The following ZBTB46 variants were observed in gnomAD, a reference collection of about 807,000 sequenced individuals.
ZBTB46 encodes the protein zinc finger and BTB domain containing 46.
A neutral mutation model predicts 44.1 loss-of-function variants in ZBTB46; 8 were observed. That is an observed-to-expected ratio of 0.18 (90% CI 0.11 to 0.33). ZBTB46 has a LOEUF of 0.33. Among genes scored for constraint, ZBTB46 ranks in the 10% least tolerant of loss-of-function variants. ZBTB46 has a pLI of 1.00. For missense variants in ZBTB46, 651 were observed against 847.7 expected (o/e 0.77, Z 2.88); for synonymous variants, 409 against 382.3 (o/e 1.07, Z -0.81).
chr20:63,756,284 C>T lies in ZBTB46; in HGVS notation c.1223-3423G>A, dbSNP rs528337890. Among the ~76,000 whole-genome samples, 32 of 152,318 alleles carry T rather than the reference C, an allele frequency of 2.1e-4. 1 individual carries two copies. The Middle Eastern group carries it at 0.01, about 49-fold the overall frequency. ...GATAGTGTCAAAGACTGCAAGAAACCAGCCGTGAAGCAAATGGACTGGCAG... is the reference window on the plus strand; with the variant it reads ...GATAGTGTCAAAGACTGCAAGAAACTAGCCGTGAAGCAAATGGACTGGCAG... On this transcript the variant is annotated intron_variant, in intron 3 of 4. Transcript: ENST00000245663.
intron 3 of ZBTB46, among the ~76,000 whole-genome samples, chr20:63,774,909 T>C (rs2092411054): frequency 6.6e-6 from 1 of 152,078 alleles, no homozygotes; most frequent in Admixed American, 6.5e-5. Flanking sequence ...TTCACCGTGT[T>C]GGCCAAGATG....
At chr20:63,826,656 T>C (rs975725438) in intron 1 of ZBTB46, among the ~76,000 whole-genome samples, 3 of 151,360 alleles carry the variant, frequency 2.0e-5, no homozygotes, top group Non-Finnish European at 4.4e-5. Context: ...ACCCGGAAGG[T>C]GGAGCTTGCA....
chr20:63,800,174 C>T (rs1247587037), intron 1 of ZBTB46, among the ~76,000 whole-genome samples: 1 of 152,222 alleles, frequency 6.6e-6, no homozygotes, highest in Non-Finnish European at 1.5e-5. Context: ...CTCAGCCTTC[C>T]GTCCCCCTAT....
chr20:63,747,510 C>CAGGGCCTGGTGGAGGTGGGGGGGGCGGGG, intron 4 of ZBTB46, among the ~76,000 whole-genome samples: 2 of 18,418 alleles, frequency 1.1e-4, no homozygotes, highest in Non-Finnish European at 2.1e-4. Flanking sequence ...GGGAGGGGGG[C>CAGGGCCTGGTGGAGGTGGGGGGGGCGGGG]CAGGGGGTGA....
rs1179036882 is a variant in ZBTB46, at chr20:63,790,448, C to T, written c.310G>A (p.Glu104Lys). The change falls in exon 2 of 5, where the codon GAG (glutamate) becomes AAG (lysine). Residue 104 changes from glutamate (E) to lysine (K), a missense_variant. By Grantham distance (56) the Glu-to-Lys change is moderately conservative. This residue lies in a region of ZBTB46 where 65 missense variants were observed against 167.9 expected (regional missense o/e 0.39). Coordinates refer to ENST00000245663, the MANE Select transcript of ZBTB46 (RefSeq NM_001369741.1). ...HLALTSRNVI[E>K]VMSAASFLQM... is the part of the protein sequence containing the mutation. ...AGGAAGCTGGCGGCTGACATCACCT[C>T]GATGACGTTCCTGCTGGTGAGCGCC... is the stretch of plus-strand genomic sequence containing the variant. 6.2e-7 allele frequency: 1 copy of T among 1,613,254 alleles called. No homozygotes were observed.
chr20:63,821,443 T>TC (rs1450814088), intron 1 of ZBTB46, among the ~76,000 whole-genome samples: 3 of 149,282 alleles, frequency 2.0e-5, no homozygotes, highest in African/African-American at 7.4e-5. Context: ...AGGCACGCTT[T>TC]TTTTTTTTTT....
intron 1 of ZBTB46, among the ~76,000 whole-genome samples, chr20:63,828,099 T>C (rs1412174119): frequency 1.3e-5 from 2 of 152,226 alleles, no homozygotes; most frequent in Admixed American, 6.5e-5. Flanking sequence ...GAACCACTTT[T>C]AGGTTGTTAA....
chr20:63,751,833 T>C (rs1161204161), intron 4 of ZBTB46, among the ~76,000 whole-genome samples: 3 of 129,506 alleles, frequency 2.3e-5, no homozygotes, highest in Non-Finnish European at 5.0e-5. Context: ...CGCCCCCCGG[T>C]GGGTCTCCCA....
intron 3 of ZBTB46, among the ~76,000 whole-genome samples, chr20:63,764,181 GATCCC>G (rs984988955): frequency 1.3e-5 from 2 of 151,990 alleles, no homozygotes; most frequent in Non-Finnish European, 2.9e-5. Context: ...TCATGCCTGT[GATCCC>G]AGCACTTTGT....
At chr20:63,815,850 GT>G (rs2092750270) in intron 1 of ZBTB46, among the ~76,000 whole-genome samples, 1 of 102,490 alleles carries the variant, frequency 9.8e-6, no homozygotes, top group African/African-American at 4.5e-5. Flanking sequence ...GGTGCAGTGA[GT>G]GCAGGTGCAG....
chr20:63,808,819 C>CA (rs1037984883), intron 1 of ZBTB46, among the ~76,000 whole-genome samples: 22 of 149,888 alleles, frequency 1.5e-4, no homozygotes, highest in Admixed American at 2.0e-4. Flanking sequence ...CTAAAAAATA[C>CA]AAAAAAAAAT....
chr20:63,779,406 ATTTTTTTTTTTT>A lies in ZBTB46; in HGVS notation c.938-3456_938-3445del, dbSNP rs59166121. On this transcript the variant is annotated intron_variant, in intron 2 of 4. Coordinates refer to ENST00000245663, the MANE Select transcript of ZBTB46 (RefSeq NM_001369741.1). ...CAGGTGCGTGCCACCACGCCGGCTA[ATTTTTTTTTTTT>A]TTTTTTTTTTTTTTTTTTTGAGACG... is the stretch of plus-strand genomic sequence containing the variant. Among the ~76,000 whole-genome samples, 359 of 105,564 alleles carry A rather than the reference ATTTTTTTTTTTT, an allele frequency of 3.4e-3. 19 individuals are homozygous for A. The highest frequency in any genetic ancestry group is 0.01 in the Middle Eastern group (2 of 192). The allele number at this position is 105,564 out of a possible 152,430, so 69.3% of individuals were successfully genotyped here. A position where few individuals can be genotyped will look rare whatever the true frequency, so the allele number is the denominator to read the frequency against.
At chr20:63,832,377 G>T (rs2092856555), upstream of ZBTB46, among the ~76,000 whole-genome samples, 1 of 151,996 alleles carries the variant, frequency 6.6e-6, no homozygotes, top group African/African-American at 2.4e-5. The surrounding 1 kb of genome is among the most constrained non-coding windows in gnomAD (Gnocchi z 5.0). Flanking sequence ...AGGGAGTCGA[G>T]CCCGGCCCGG....
chr20:63,784,145 G>A lies in ZBTB46; in HGVS notation c.937+5676C>T, dbSNP rs535501271. 9.2e-5 allele frequency among the ~76,000 whole-genome samples: 14 copies of A among 152,314 alleles called. No individual in the cohort carries two copies. The South Asian group carries it at 2.3e-3, about 25-fold the overall frequency. On this transcript the variant is annotated intron_variant, in intron 2 of 4. Transcript: ENST00000245663. ...AGGGGACACAGCCACGGCCCCCTCCGCTCACCAGTTCCTGCTTTATCCCCA... is the reference window on the plus strand; with the variant it reads ...AGGGGACACAGCCACGGCCCCCTCCACTCACCAGTTCCTGCTTTATCCCCA...
In ZBTB46 at chr20:63,775,972, G is replaced by C; in HGVS notation, c.938-10C>G. The C allele has an allele frequency of 1.9e-6, 3 of 1,540,664 alleles. No individual in the cohort carries two copies. The highest frequency in any genetic ancestry group is 2.6e-6 in the Non-Finnish European group (3 of 1,149,260). On this transcript the variant is annotated splice_polypyrimidine_tract_variant and intron_variant, in intron 2 of 4. Transcript: ENST00000245663. ...ACGGACAGGTCCGCATCTGGGGACAGAGGGACACACGTCAGAAGACACGGG... is the reference window on the plus strand; with the variant it reads ...ACGGACAGGTCCGCATCTGGGGACACAGGGACACACGTCAGAAGACACGGG...
At chr20:63,806,852 G>A (rs1381036037) in intron 1 of ZBTB46, among the ~76,000 whole-genome samples, 1 of 151,576 alleles carries the variant, frequency 6.6e-6, no homozygotes, top group Non-Finnish European at 1.5e-5. Flanking sequence ...GCGCCATCTC[G>A]GCTCACTGCA....
chr20:63,824,534 T>A (rs1196124477), intron 1 of ZBTB46, among the ~76,000 whole-genome samples: 1 of 152,190 alleles, frequency 6.6e-6, no homozygotes, highest in East Asian at 1.9e-4. Flanking sequence ...CACGCCCTTT[T>A]TCCTGAAAGC....
intron 1 of ZBTB46, among the ~76,000 whole-genome samples, chr20:63,822,300 G>A (rs538985242): frequency 2.0e-5 from 3 of 152,272 alleles, no homozygotes; most frequent in African/African-American, 7.2e-5. Flanking sequence ...GAGTTCAAGC[G>A]CCCTGAATTC....
chr20:63,791,042 G>C (rs2092556936), intron 1 of ZBTB46: 1 of 417,990 alleles, frequency 2.4e-6, no homozygotes, highest in East Asian at 4.2e-5. Context: ...AGGCTAATGG[G>C]GTTCTGAACA....
Sources: allele counts gnomAD v4.1 joint callset (sites outside exome capture counted in the v4.1 genomes callset), GRCh38; gene constraint gnomAD v4.1.1; regional missense constraint gnomAD v4.1.1; non-coding constraint Gnocchi (gnomAD v3.1); transcripts MANE v1.5; gene names NCBI Gene and HGNC (gene_info 2026-07-23, HGNC 2026-07-21).